TWSG1: variants seen among roughly 807,000 people sequenced by gnomAD.
TWSG1 encodes the protein twisted gastrulation BMP signaling modulator 1.
A neutral mutation model predicts 23.0 loss-of-function variants in TWSG1; 15 were observed. The ratio of observed to expected loss-of-function variants is 0.65; its 90% CI spans 0.44 to 1.00. The LOEUF is 1.00. TWSG1 is among the 50% of genes least tolerant of loss of function. TWSG1 has a pLI of 0.00. For synonymous variants in TWSG1, 86 were observed against 92.8 expected, an observed-to-expected ratio of 0.93 and a Z score of 0.42; for missense variants, 242 against 278.7, an observed-to-expected ratio of 0.87 and a Z score of 0.94.
Position 9,375,040 on chromosome 18 carries a change from G to A in TWSG1, c.223+14969G>A, listed in dbSNP as rs577555924. Among the ~76,000 whole-genome samples, 537 of 152,074 alleles carry A rather than the reference G, an allele frequency of 3.5e-3. 4 individuals carry two copies. Among genetic ancestry groups the A allele is most frequent in the African/African-American group, 0.012 (514 of 41,494 alleles). On this transcript the variant is annotated intron_variant, in intron 3 of 4. Coordinates refer to ENST00000262120, the MANE Select transcript of TWSG1 (RefSeq NM_020648.6). ...AAATTAGCTGGGCGTGGTGGCGGACGCCTGTAGTCTCAGTTACTCAGGAGG... is the reference window on the plus strand; with the variant it reads ...AAATTAGCTGGGCGTGGTGGCGGACACCTGTAGTCTCAGTTACTCAGGAGG...
chr18:9,372,708 T>C (rs566536994), intron 3 of TWSG1, among the ~76,000 whole-genome samples: 5 of 151,910 alleles, frequency 3.3e-5, no homozygotes, highest in African/African-American at 1.2e-4. Flanking sequence ...GTGAACTTGA[T>C]TCATTGTAAA....
At chr18:9,374,746 C>T (rs1052800853) in intron 3 of TWSG1, among the ~76,000 whole-genome samples, 8 of 152,200 alleles carry the variant, frequency 5.3e-5, no homozygotes, top group African/African-American at 1.7e-4. Flanking sequence ...CAATACCTCT[C>T]ATGAATATAG....
chr18:9,369,811 G>A (rs376014277), intron 3 of TWSG1, among the ~76,000 whole-genome samples: 17 of 152,200 alleles, frequency 1.1e-4, no homozygotes, highest in African/African-American at 3.1e-4. Flanking sequence ...GATTACAGGC[G>A]TGAGCCACCA....
At chr18:9,361,519 C>T (rs2040552332) in intron 3 of TWSG1, among the ~76,000 whole-genome samples, 1 of 152,150 alleles carries the variant, frequency 6.6e-6, no homozygotes. Context: ...GATGAACTGC[C>T]TTTTTCACTG....
intron 2 of TWSG1, among the ~76,000 whole-genome samples, chr18:9,339,345 A>G (rs1029305945): frequency 6.6e-6 from 1 of 152,138 alleles, no homozygotes; most frequent in African/African-American, 2.4e-5. Context: ...TTTTGGCTCT[A>G]TTACAGCTTA....
intron 3 of TWSG1, among the ~76,000 whole-genome samples, chr18:9,376,646 A>G (rs991816322): frequency 2.6e-5 from 4 of 152,048 alleles, no homozygotes; most frequent in Non-Finnish European, 4.4e-5. Flanking sequence ...GTTTGTGACC[A>G]GCCTAGGTAA....
At chr18:9,344,885 C>T (rs959282770) in intron 2 of TWSG1, among the ~76,000 whole-genome samples, 1 of 152,014 alleles carries the variant, frequency 6.6e-6, no homozygotes, top group Non-Finnish European at 1.5e-5. Context: ...GTAGCTAGGA[C>T]TACAGGTATG....
chr18:9,384,978 G>C (rs2040675562), intron 3 of TWSG1, among the ~76,000 whole-genome samples: 1 of 152,116 alleles, frequency 6.6e-6, no homozygotes, highest in Non-Finnish European at 1.5e-5. Context: ...AAACAGATTG[G>C]AAGGAACACC....
intron 3 of TWSG1, among the ~76,000 whole-genome samples, chr18:9,364,482 G>A (rs1330670107): frequency 6.6e-6 from 1 of 152,124 alleles, no homozygotes; most frequent in Admixed American, 6.6e-5. Flanking sequence ...CATTGCCTGA[G>A]TCAGCTACTT....
Position 9,401,418 on chromosome 18 carries a change from T to G in TWSG1, c.*1891T>G, listed in dbSNP as rs566468217. 102 of 151,996 alleles carry G rather than the reference T, an allele frequency of 6.7e-4. 1 individual carries two copies. Among genetic ancestry groups the G allele is most frequent in the African/African-American group, 2.5e-3 (102 of 41,334 alleles). 9.4% of individuals were successfully genotyped at this position (151,996 alleles called of 1,614,324 possible). On this transcript the variant is annotated 3_prime_UTR_variant, in exon 5 of 5. Coordinates refer to ENST00000262120, the MANE Select transcript of TWSG1 (RefSeq NM_020648.6). ...TGTGTGTTGGCAACATGCCTAATGT[T>G]TTCTTAATGATGACAACAAATATTT...
In TWSG1 at chr18:9,369,108, AAAAC is replaced by A. The variant is rs1308534248; in HGVS notation, c.223+9057_223+9060del. Among the ~76,000 whole-genome samples the A allele has an allele frequency of 4.4e-3, 577 of 130,086 alleles. 2 individuals carry two copies. Among genetic ancestry groups the A allele is most frequent in the East Asian group, 6.7e-3 (30 of 4,508 alleles). 85.3% of individuals were successfully genotyped at this position (130,086 alleles called of 152,430 possible). ...TGGGCAACAGAGTAGACTCTGTCTC[AAAAC>A]AAACAAACAAACAAACAAATAAATA... On this transcript the variant is annotated intron_variant, in intron 3 of 4. Coordinates refer to ENST00000262120, the MANE Select transcript of TWSG1 (RefSeq NM_020648.6).
chr18:9,341,457 C>A (rs899424035), intron 2 of TWSG1, among the ~76,000 whole-genome samples: 1 of 152,040 alleles, frequency 6.6e-6, no homozygotes, highest in South Asian at 2.1e-4. Context: ...CTGGGAAAAC[C>A]GCTTTTAATC....
At chr18:9,387,465 G>A (rs2040689921) in intron 3 of TWSG1, among the ~76,000 whole-genome samples, 1 of 152,074 alleles carries the variant, frequency 6.6e-6, no homozygotes, top group African/African-American at 2.4e-5. Context: ...CTTTGCTAAA[G>A]TATTTAAAAG....
At chr18:9,364,803 A>G (rs550733005) in intron 3 of TWSG1, among the ~76,000 whole-genome samples, 2 of 151,312 alleles carry the variant, frequency 1.3e-5, no homozygotes, top group Admixed American at 1.3e-4. Context: ...CAGAAAAAAA[A>G]AAAGAAGAAG....
At chr18:9,363,362 A>T (rs1381380074) in intron 3 of TWSG1, among the ~76,000 whole-genome samples, 2 of 151,824 alleles carry the variant, frequency 1.3e-5, no homozygotes, top group African/African-American at 4.8e-5. Context: ...CCAAATGTGC[A>T]CAAAAATAGA....
At chr18:9,381,553 G>A (rs981938643) in intron 3 of TWSG1, among the ~76,000 whole-genome samples, 2 of 151,994 alleles carry the variant, frequency 1.3e-5, no homozygotes, top group African/African-American at 4.8e-5. Flanking sequence ...GTTAAGTTTT[G>A]CAAAAATATA....
At chr18:9,388,051 T>C (rs560540163) in intron 3 of TWSG1, 167 of 152,360 alleles carry the variant, frequency 1.1e-3, no homozygotes, top group African/African-American at 3.9e-3. Flanking sequence ...TTGACCCTCC[T>C]TTCATTTCTG....
chr18:9,387,509 A>G (rs995271243), intron 3 of TWSG1, among the ~76,000 whole-genome samples: 1 of 152,134 alleles, frequency 6.6e-6, no homozygotes, highest in African/African-American at 2.4e-5. Context: ...GCTCATGCGT[A>G]ATCCCAGCAC....
At chr18:9,346,080 C>G (rs1039740015) in intron 2 of TWSG1, among the ~76,000 whole-genome samples, 1 of 152,064 alleles carries the variant, frequency 6.6e-6, no homozygotes, top group Non-Finnish European at 1.5e-5. Context: ...TTGTATCTAC[C>G]ATTACAGTAT....
Sources: allele counts gnomAD v4.1 joint callset (sites outside exome capture counted in the v4.1 genomes callset), GRCh38; gene constraint gnomAD v4.1.1; transcripts MANE v1.5; gene names NCBI Gene and HGNC (gene_info 2026-07-23, HGNC 2026-07-21).